Variants in PTPN3 observed in about 807,000 individuals in gnomAD.
The protein encoded by PTPN3 is tyrosine-protein phosphatase non-receptor type 3.
PTPN3 carries 96 observed loss-of-function variants against 132.7 expected under a neutral mutation model. The observed-to-expected ratio is 0.72, with a 90% CI of 0.61 to 0.86. The LOEUF (loss-of-function observed/expected upper bound fraction) is 0.86, where lower values mean the gene tolerates loss of function less well. PTPN3 is among the 40% of genes least tolerant of loss of function. The pLI is 0.00. For synonymous variants in PTPN3, 398 were observed against 429.0 expected (o/e 0.93, Z 0.89); for missense variants, 1,125 against 1,159.6 (o/e 0.97, Z 0.43).
chr9:109,513,723 ATGT>A, the PTPN3 span, among the ~76,000 whole-genome samples: 1 of 152,154 alleles, frequency 6.6e-6, no homozygotes, highest in Non-Finnish European at 1.5e-5. Flanking sequence ...TGATTTCCTG[ATGT>A]TGGCCTTTGT....
upstream of PTPN3, chr9:109,498,363 G>T (rs943801294): frequency 6.8e-6 from 1 of 146,522 alleles, no homozygotes; most frequent in Non-Finnish European, 1.5e-5. This position sits in a 1 kb window ranked among gnomAD's most constrained non-coding sequence, Gnocchi z 4.2. Context: ...GGCCGCGACG[G>T]GCCCGCGCGC....
At chr9:109,509,341 G>A in the PTPN3 span, among the ~76,000 whole-genome samples, 3 of 152,162 alleles carry the variant, frequency 2.0e-5, no homozygotes, top group African/African-American at 7.2e-5. Context: ...TAGGGTAAAT[G>A]CATTGAGGCA....
chr9:109,480,066 G>T (rs1198470152), intron 1 of PTPN3, among the ~76,000 whole-genome samples: 5 of 152,146 alleles, frequency 3.3e-5, no homozygotes, highest in Admixed American at 3.3e-4. Flanking sequence ...TACATTTTCC[G>T]TAATGACTAA....
chr9:109,442,401 G>T (rs985766369), intron 7 of PTPN3, among the ~76,000 whole-genome samples: 35 of 152,136 alleles, frequency 2.3e-4, no homozygotes, highest in Non-Finnish European at 3.7e-4. Context: ...TTTATTGAGG[G>T]TGGAGGGATA....
intron 2 of PTPN3, 90 bp downstream of exon 2, chr9:109,463,207 T>C (rs1009450927): frequency 1.2e-5 from 16 of 1,287,476 alleles, no homozygotes; most frequent in Non-Finnish European, 1.7e-5. Flanking sequence ...TTTAAAATAT[T>C]TTTTTCTTCA....
the PTPN3 span, chr9:109,533,524 A>G: frequency 8.1e-5 from 130 of 1,599,154 alleles, 1 homozygote; most frequent in African/African-American, 1.4e-3. Flanking sequence ...CTTGGGTCTC[A>G]CCTCGTTGAT....
intron 6 of PTPN3, among the ~76,000 whole-genome samples, chr9:109,447,857 G>A (rs7870581): frequency 0.34 from 51,314 of 152,008 alleles, 9,598 homozygotes; most frequent in African/African-American, 0.48. Context: ...CCTGCTAGAT[G>A]TAAGATGCCC....
chr9:109,533,878 A>G, the PTPN3 span: 6 of 766,242 alleles, frequency 7.8e-6, no homozygotes, highest in Non-Finnish European at 1.4e-5. Flanking sequence ...GAGGACCCCT[A>G]CGACGTGGAT....
At chr9:109,479,449 G>A (rs1405664421) in intron 1 of PTPN3, among the ~76,000 whole-genome samples, 1 of 152,208 alleles carries the variant, frequency 6.6e-6, no homozygotes, top group Non-Finnish European at 1.5e-5. Flanking sequence ...TCTGGCTATT[G>A]TGAATGGTGT....
intron 6 of PTPN3, among the ~76,000 whole-genome samples, chr9:109,446,963 C>T (rs186612717): frequency 1.2e-4 from 18 of 152,274 alleles, no homozygotes; most frequent in East Asian, 3.9e-4. Context: ...GACAATTTGA[C>T]ACCTAGGAAA....
chr9:109,381,231 A>C (rs1205991988), intron 25 of PTPN3, among the ~76,000 whole-genome samples: 1 of 152,156 alleles, frequency 6.6e-6, no homozygotes, highest in Non-Finnish European at 1.5e-5. Context: ...AGGATGTTGC[A>C]CATGACCCTA....
At chr9:109,383,688 A>T (rs1839321723) in intron 22 of PTPN3, 137 bp from the exon 23 acceptor site, 1 of 1,271,634 alleles carries the variant, frequency 7.9e-7, no homozygotes, top group Admixed American at 2.3e-5. Context: ...AAACTCAGCC[A>T]AGTCCATCAG....
At chr9:109,456,267 A>C (rs570860272) in intron 4 of PTPN3, among the ~76,000 whole-genome samples, 15 of 152,352 alleles carry the variant, frequency 9.8e-5, no homozygotes, top group Admixed American at 7.2e-4. Flanking sequence ...CACCTTGGGG[A>C]TGCAGAGAGA....
At chr9:109,446,416 G>A (rs1844862553) in intron 6 of PTPN3, among the ~76,000 whole-genome samples, 1 of 152,058 alleles carries the variant, frequency 6.6e-6, no homozygotes, top group Non-Finnish European at 1.5e-5. Context: ...CCTATCTGAG[G>A]GGCCCCCATT....
chr9:109,464,385 G>A (rs749185468), intron 1 of PTPN3, among the ~76,000 whole-genome samples: 15 of 152,174 alleles, frequency 9.9e-5, no homozygotes, highest in Non-Finnish European at 1.8e-4. Context: ...GGGAGCAATA[G>A]CTACCAGGGC....
At chr9:109,463,472 G>A in intron 1 of PTPN3, 21 bp from the exon 2 acceptor site, 1 of 1,589,072 alleles carries the variant, frequency 6.3e-7, no homozygotes, top group East Asian at 2.3e-5. Context: ...AAATATACCT[G>A]TTAGTGCTTT....
At chr9:109,498,614 CTT>C (rs932349415), upstream of PTPN3, among the ~76,000 whole-genome samples, 1 of 152,208 alleles carries the variant, frequency 6.6e-6, no homozygotes, top group Non-Finnish European at 1.5e-5. The surrounding 1 kb of genome is among the most constrained non-coding windows in gnomAD (Gnocchi z 4.2). Flanking sequence ...CCCAAAGAAA[CTT>C]TGAAATGAGG....
chr9:109,474,325 A>C (rs1300730701), intron 1 of PTPN3, among the ~76,000 whole-genome samples: 2 of 152,128 alleles, frequency 1.3e-5, no homozygotes, highest in Non-Finnish European at 2.9e-5. Context: ...GTTTACAATT[A>C]CTTTTAGCCT....
upstream of PTPN3, among the ~76,000 whole-genome samples, chr9:109,503,194 T>C (rs565058095): frequency 1.8e-4 from 28 of 152,274 alleles, no homozygotes; most frequent in South Asian, 5.4e-3. Context: ...AAGCCCACCC[T>C]GCCTACCGAC....
Sources: allele counts gnomAD v4.1 joint callset (sites outside exome capture counted in the v4.1 genomes callset), GRCh38; gene constraint gnomAD v4.1.1; non-coding constraint Gnocchi (gnomAD v3.1); transcripts MANE v1.5; gene names NCBI Gene and HGNC (gene_info 2026-07-23, HGNC 2026-07-21).